The following PDE1C variants were observed in gnomAD, a reference collection of about 807,000 sequenced individuals.
PDE1C encodes the protein phosphodiesterase 1C, also known as dual specificity calcium/calmodulin-dependent 3',5'-cyclic nucleotide phosphodiesterase 1C.
In PDE1C, 62 loss-of-function variants were observed where a neutral mutation model predicts 93.1. The observed-to-expected ratio is 0.67, with a 90% CI of 0.54 to 0.82. The LOEUF is 0.82. Ranked by LOEUF, PDE1C falls within the 40% of genes least tolerant of loss-of-function variation. PDE1C has a pLI of 0.00. For missense variants in PDE1C, 742 were observed against 884.6 expected, an observed-to-expected ratio of 0.84 and a Z score of 2.04; for synonymous variants, 325 against 310.1, an observed-to-expected ratio of 1.05 and a Z score of -0.50.
the PDE1C span, among the ~76,000 whole-genome samples, chr7:31,647,433 G>C: frequency 6.6e-6 from 1 of 151,804 alleles, no homozygotes; most frequent in Non-Finnish European, 1.5e-5. Context: ...AGGCCAAGAT[G>C]GGTGGATCAC....
chr7:31,965,104 C>A (rs890212871), intron 2 of PDE1C, among the ~76,000 whole-genome samples: 2 of 152,070 alleles, frequency 1.3e-5, no homozygotes, highest in Non-Finnish European at 2.9e-5. Context: ...CAATGCTGGA[C>A]GGAGAATGAC....
At chr7:32,095,100 G>A (rs1223763087) in intron 3 of PDE1C, among the ~76,000 whole-genome samples, 1 of 152,184 alleles carries the variant, frequency 6.6e-6, no homozygotes, top group Non-Finnish European at 1.5e-5. Flanking sequence ...TGAAGGCCAA[G>A]GTCAGACTCA....
intron 2 of PDE1C, among the ~76,000 whole-genome samples, chr7:32,040,403 T>A (rs989336686): frequency 6.6e-6 from 1 of 152,220 alleles, no homozygotes; most frequent in Admixed American, 6.5e-5. Flanking sequence ...GCAGTATCCA[T>A]GGTCTCTATT....
intron 1 of PDE1C, among the ~76,000 whole-genome samples, chr7:32,317,401 G>A (rs182483049): frequency 1.3e-5 from 2 of 152,212 alleles, no homozygotes; most frequent in Non-Finnish European, 2.9e-5. Context: ...TCTAAATGGA[G>A]ACCCGTCCTC....
intron 1 of PDE1C, among the ~76,000 whole-genome samples, chr7:32,293,608 G>A (rs1271595025): frequency 6.6e-6 from 1 of 152,130 alleles, no homozygotes; most frequent in Non-Finnish European, 1.5e-5. Flanking sequence ...GGAAACAGAG[G>A]CTCAGAGATA....
At chr7:31,642,857 G>A in the PDE1C span, 1 of 1,614,034 alleles carries the variant, frequency 6.2e-7, no homozygotes, top group Non-Finnish European at 8.5e-7. Context: ...TTGGAACAAA[G>A]GGCCTCAGTA....
At chr7:31,659,144 C>G in the PDE1C span, among the ~76,000 whole-genome samples, 1 of 152,036 alleles carries the variant, frequency 6.6e-6, no homozygotes, top group Non-Finnish European at 1.5e-5. Context: ...TCCCTGAAAC[C>G]AAGTGTTTAT....
upstream of PDE1C, among the ~76,000 whole-genome samples, chr7:32,302,950 C>A (rs185914261): frequency 1.3e-5 from 2 of 152,172 alleles, no homozygotes; most frequent in Admixed American, 1.3e-4. Context: ...GTCTAACAAC[C>A]ATTCCAAATT....
intron 16 of PDE1C, among the ~76,000 whole-genome samples, chr7:31,790,504 G>C (rs1298584387): frequency 4.6e-5 from 7 of 152,114 alleles, no homozygotes; most frequent in Non-Finnish European, 1.0e-4. Flanking sequence ...CTGTAAACTA[G>C]ATTAGCAAAC....
At chr7:31,798,885 A>C (rs1785637092) in intron 16 of PDE1C, among the ~76,000 whole-genome samples, 1 of 151,750 alleles carries the variant, frequency 6.6e-6, no homozygotes, top group Admixed American at 6.6e-5. Context: ...GATAAAATGA[A>C]ACATCAACCA....
chr7:31,979,203 T>G (rs1812062103), intron 2 of PDE1C, among the ~76,000 whole-genome samples: 2 of 152,148 alleles, frequency 1.3e-5, no homozygotes, highest in South Asian at 4.1e-4. Context: ...TAAAGAAGTA[T>G]ATGAGGCAGT....
At chr7:32,211,265 TAAAAG>T (rs1806007861) in intron 1 of PDE1C, among the ~76,000 whole-genome samples, 1 of 152,158 alleles carries the variant, frequency 6.6e-6, no homozygotes, top group Admixed American at 6.5e-5. Flanking sequence ...AAATACATTT[TAAAAG>T]AAAAGATTTC....
At chr7:32,075,038 C>T (rs370554719), upstream of PDE1C, among the ~76,000 whole-genome samples, 30 of 152,272 alleles carry the variant, frequency 2.0e-4, no homozygotes, top group East Asian at 2.1e-3. Flanking sequence ...ATGCCAAGGG[C>T]ATTGTGCACA....
At chr7:31,989,960 G>A (rs1235297500) in intron 2 of PDE1C, among the ~76,000 whole-genome samples, 1 of 152,216 alleles carries the variant, frequency 6.6e-6, no homozygotes, top group East Asian at 1.9e-4. Flanking sequence ...ACTGTGCCGG[G>A]CACAGGGAAG....
chr7:32,118,345 T>G (rs1322862485), intron 3 of PDE1C, among the ~76,000 whole-genome samples: 1 of 152,142 alleles, frequency 6.6e-6, no homozygotes, highest in Non-Finnish European at 1.5e-5. Context: ...AATATATAAG[T>G]GCTAAGGTCC....
chr7:32,305,494 A>G (rs771842869), intron 1 of PDE1C, among the ~76,000 whole-genome samples: 1 of 152,180 alleles, frequency 6.6e-6, no homozygotes, highest in African/African-American at 2.4e-5. Context: ...AAGTATAGTG[A>G]TCTTTTTTTC....
At chr7:32,241,410 C>T (rs1808535310) in intron 1 of PDE1C, among the ~76,000 whole-genome samples, 1 of 152,124 alleles carries the variant, frequency 6.6e-6, no homozygotes, top group South Asian at 2.1e-4. Context: ...ATGTCAAATG[C>T]TGCAGGGTGT....
At chr7:32,135,781 G>C (rs1243467642) in intron 3 of PDE1C, among the ~76,000 whole-genome samples, 2 of 152,096 alleles carry the variant, frequency 1.3e-5, no homozygotes, top group Non-Finnish European at 2.9e-5. Context: ...TATATCCAAA[G>C]AAAATGAAAT....
intron 2 of PDE1C, among the ~76,000 whole-genome samples, chr7:31,881,556 T>C (rs918134347): frequency 2.6e-5 from 4 of 152,168 alleles, no homozygotes; most frequent in African/African-American, 9.7e-5. Context: ...AACAATAAAA[T>C]GACTACAGAT....
Sources: allele counts gnomAD v4.1 joint callset (sites outside exome capture counted in the v4.1 genomes callset), GRCh38; gene constraint gnomAD v4.1.1; transcripts MANE v1.5; gene names NCBI Gene and HGNC (gene_info 2026-07-23, HGNC 2026-07-21).